Variants in EPB41L4A observed in about 807,000 individuals in gnomAD.
The protein encoded by EPB41L4A is erythrocyte membrane protein band 4.1 like 4A.
Under a neutral mutation model 108.6 loss-of-function variants are expected in EPB41L4A, and 100 were observed. That is an observed-to-expected ratio of 0.92 (90% CI 0.78 to 1.09). The LOEUF is 1.09. Ranked by LOEUF, EPB41L4A falls within the 50% of genes least tolerant of loss-of-function variation. The pLI is 0.00. For synonymous variants in EPB41L4A, 319 were observed against 289.0 expected (o/e 1.10, Z -1.05); for missense variants, 1,030 against 842.7 (o/e 1.22, Z -2.75).
At chr5:112,265,564 C>A (rs1258516123) in intron 5 of EPB41L4A, among the ~76,000 whole-genome samples, 1 of 152,238 alleles carries the variant, frequency 6.6e-6, no homozygotes, top group Non-Finnish European at 1.5e-5. Context: ...ATCTACCTTG[C>A]AAGCCCCAAC....
intron 1 of EPB41L4A, among the ~76,000 whole-genome samples, chr5:112,357,840 G>C (rs925753872): frequency 6.6e-6 from 1 of 152,194 alleles, no homozygotes; most frequent in African/African-American, 2.4e-5. Flanking sequence ...CTGAGAATGA[G>C]CAGTATGTAA....
chr5:112,150,146 A>T (rs757680581), intron 12 of EPB41L4A, among the ~76,000 whole-genome samples: 42 of 152,212 alleles, frequency 2.8e-4, no homozygotes, highest in Non-Finnish European at 5.3e-4. Flanking sequence ...ATTTACACTT[A>T]TGTGTAGTCT....
intron 12 of EPB41L4A, among the ~76,000 whole-genome samples, chr5:112,213,063 A>G (rs922035681): frequency 3.9e-5 from 6 of 152,328 alleles, no homozygotes; most frequent in Admixed American, 3.9e-4. Context: ...TGTCTGAATC[A>G]TAATTTTTAA....
intron 21 of EPB41L4A, 47 bp from the exon 22 acceptor site, chr5:112,168,867 A>C (rs1290698861): frequency 6.4e-7 from 1 of 1,552,454 alleles, no homozygotes; most frequent in Non-Finnish European, 8.9e-7. Flanking sequence ...AGTATCTAGA[A>C]TCATAAATTA....
intron 1 of EPB41L4A, among the ~76,000 whole-genome samples, chr5:112,372,740 C>T (rs1295483799): frequency 6.6e-6 from 1 of 152,008 alleles, no homozygotes; most frequent in Non-Finnish European, 1.5e-5. Flanking sequence ...GTAATGGAAG[C>T]CACTGAAGAA....
intron 2 of EPB41L4A, among the ~76,000 whole-genome samples, chr5:112,292,787 C>T (rs1051258834): frequency 5.9e-5 from 9 of 151,948 alleles, no homozygotes; most frequent in Non-Finnish European, 1.0e-4. Flanking sequence ...AGCTTTGTGT[C>T]GAAACCCTAA....
chr5:112,251,573 G>GA (rs1750673401), intron 9 of EPB41L4A, among the ~76,000 whole-genome samples: 1 of 151,704 alleles, frequency 6.6e-6, no homozygotes, highest in African/African-American at 2.4e-5. Flanking sequence ...AAAGAATGAA[G>GA]AAAAAAATGC....
Position 112,164,712 on chromosome 5 carries a change from G to A in EPB41L4A, c.*278C>T, listed in dbSNP as rs1225408146. The A allele has an allele frequency of 4.6e-6, 1 of 216,836 alleles. No individual in the cohort carries two copies. 13.4% of individuals were successfully genotyped at this position (216,836 alleles called of 1,614,324 possible). A position where few individuals can be genotyped will look rare whatever the true frequency, so the allele number is the denominator to read the frequency against. ...TAGCCGGGTGTTGTGGTGCACGCCT[G>A]TAATCCCAGCTGCTCGGGAGCCTGA... On this transcript the variant is annotated 3_prime_UTR_variant, in exon 23 of 23. Transcript: ENST00000261486.
chr5:112,188,951 G>C (rs1009510984), intron 17 of EPB41L4A, among the ~76,000 whole-genome samples: 1 of 152,130 alleles, frequency 6.6e-6, no homozygotes, highest in Admixed American at 6.5e-5. Flanking sequence ...CCCTCTTACA[G>C]TGCCAAATTT....
chr5:112,318,487 C>G (rs1267333226), intron 1 of EPB41L4A, among the ~76,000 whole-genome samples: 1 of 152,190 alleles, frequency 6.6e-6, no homozygotes, highest in Non-Finnish European at 1.5e-5. Context: ...AAGTTGGACT[C>G]AAGCCCAACC....
intron 22 of EPB41L4A, among the ~76,000 whole-genome samples, chr5:112,165,682 T>TA (rs1450868190): frequency 6.6e-6 from 1 of 152,182 alleles, no homozygotes; most frequent in Non-Finnish European, 1.5e-5. Flanking sequence ...TACTACTTCT[T>TA]ATGCGAACCC....
chr5:112,309,230 TC>T (rs1370100056), intron 1 of EPB41L4A, among the ~76,000 whole-genome samples: 8 of 152,306 alleles, frequency 5.3e-5, no homozygotes, highest in African/African-American at 1.9e-4. Context: ...ATTAAATGAA[TC>T]CCCAGTATTC....
At chr5:112,270,234 ACC>A (rs1752163461) in intron 4 of EPB41L4A, among the ~76,000 whole-genome samples, 1 of 152,238 alleles carries the variant, frequency 6.6e-6, no homozygotes, top group South Asian at 2.1e-4. Context: ...ATGACTTAAG[ACC>A]CTGCTGAGAA....
intron 12 of EPB41L4A, among the ~76,000 whole-genome samples, chr5:112,228,997 G>C (rs149686041): frequency 1.3e-5 from 2 of 152,344 alleles, no homozygotes; most frequent in African/African-American, 4.8e-5. Context: ...TCCTGATTGA[G>C]AGGTGAATAA....
intron 1 of EPB41L4A, among the ~76,000 whole-genome samples, chr5:112,343,096 C>G (rs1757419827): frequency 6.6e-6 from 1 of 152,194 alleles, no homozygotes; most frequent in African/African-American, 2.4e-5. Context: ...AGACAGTTGG[C>G]TTTACAGAGA....
At chr5:112,258,041 C>A (rs1751232202) in intron 9 of EPB41L4A, among the ~76,000 whole-genome samples, 1 of 152,184 alleles carries the variant, frequency 6.6e-6, no homozygotes, top group Non-Finnish European at 1.5e-5. Flanking sequence ...GGCTTCTGTA[C>A]TATCATTTCT....
chr5:112,227,447 TG>T, intron 12 of EPB41L4A, among the ~76,000 whole-genome samples: 1 of 152,338 alleles, frequency 6.6e-6, no homozygotes, highest in South Asian at 2.1e-4. Context: ...CTACAAGTTC[TG>T]ACAAGATACT....
intron 1 of EPB41L4A, among the ~76,000 whole-genome samples, chr5:112,393,901 T>G (rs1761138351): frequency 6.6e-6 from 1 of 150,892 alleles, no homozygotes; most frequent in Non-Finnish European, 1.5e-5. Context: ...CAAGATCAAG[T>G]TGGCTTCATT....
intron 1 of EPB41L4A, among the ~76,000 whole-genome samples, chr5:112,336,289 G>C (rs377306652): frequency 2.6e-5 from 4 of 152,318 alleles, no homozygotes; most frequent in African/African-American, 9.6e-5. Context: ...ACTTGTTTGA[G>C]AAAGTGCAGG....
Sources: gnomAD v4.1 joint callset for allele counts (sites outside exome capture counted in the v4.1 genomes callset) on GRCh38, gnomAD v4.1.1 for gene constraint, MANE v1.5 for transcripts, NCBI Gene and HGNC (gene_info 2026-07-23, HGNC 2026-07-21) for gene names.